The following RARB variants were observed in gnomAD, a reference collection of about 807,000 sequenced individuals.
RARB encodes HBV-activated protein.
A neutral mutation model predicts 51.9 loss-of-function variants in RARB; 17 were observed. That is an observed-to-expected ratio of 0.33 (90% confidence interval 0.22 to 0.49). The LOEUF (loss-of-function observed/expected upper bound fraction) is 0.49, where lower values mean the gene tolerates loss of function less well. Ranked by LOEUF, RARB falls within the 20% of genes least tolerant of loss-of-function variation. The pLI is 0.99. For missense variants in RARB, 369 were observed against 550.8 expected (o/e 0.67, Z 3.30); for synonymous variants, 215 against 195.4 (o/e 1.10, Z -0.84).
intron 2 of RARB, among the ~76,000 whole-genome samples, chr3:25,051,025 C>T (rs924103245): frequency 6.6e-6 from 1 of 152,112 alleles, no homozygotes; most frequent in Non-Finnish European, 1.5e-5. Flanking sequence ...CTCTCTTTAA[C>T]TGTGTGGATT....
chr3:25,356,528 ATTATAC>A (rs1249104027), intron 5 of RARB, among the ~76,000 whole-genome samples: 1 of 148,146 alleles, frequency 6.8e-6, no homozygotes, highest in Non-Finnish European at 1.5e-5. Context: ...CTTTTTTTTT[ATTATAC>A]TTTAAGTTCT....
chr3:25,201,704 G>A (rs146212119), intron 5 of RARB, among the ~76,000 whole-genome samples: 2,243 of 152,118 alleles, frequency 0.015, 26 homozygotes, highest in Non-Finnish European at 0.022. Context: ...GGTTTTTGTC[G>A]TTGGTTCTGT....
chr3:25,053,486 C>T (rs904914695), intron 2 of RARB, among the ~76,000 whole-genome samples: 1 of 152,112 alleles, frequency 6.6e-6, no homozygotes, highest in Admixed American at 6.6e-5. Flanking sequence ...GGCGGCAGTT[C>T]CTAAAACACA....
chr3:25,056,992 G>A (rs1324777826), intron 2 of RARB, among the ~76,000 whole-genome samples: 1 of 152,022 alleles, frequency 6.6e-6, no homozygotes, highest in Non-Finnish European at 1.5e-5. Flanking sequence ...TAGATGTTCA[G>A]AAGTTGTATT....
intron 5 of RARB, among the ~76,000 whole-genome samples, chr3:25,306,963 G>T (rs1048483602): frequency 1.3e-5 from 2 of 152,262 alleles, no homozygotes; most frequent in Middle Eastern, 3.4e-3. Flanking sequence ...GGTGCATTAA[G>T]CTCCCCACGC....
chr3:25,383,121 T>C (rs1049743951), intron 5 of RARB, among the ~76,000 whole-genome samples: 3 of 152,220 alleles, frequency 2.0e-5, no homozygotes, highest in Non-Finnish European at 4.4e-5. Flanking sequence ...CAGGATGTTA[T>C]ACCTTTATAT....
At chr3:24,958,788 A>G (rs1220486090) in intron 2 of RARB, among the ~76,000 whole-genome samples, 1 of 152,258 alleles carries the variant, frequency 6.6e-6, no homozygotes, top group Non-Finnish European at 1.5e-5. Flanking sequence ...ATGACAACAT[A>G]GCCACTGTCT....
intron 5 of RARB, among the ~76,000 whole-genome samples, chr3:25,223,782 T>G (rs2125386134): frequency 6.6e-6 from 1 of 152,352 alleles, no homozygotes; most frequent in Non-Finnish European, 1.5e-5. Context: ...CTCAGTTCTC[T>G]GCACATATTT....
intron 5 of RARB, among the ~76,000 whole-genome samples, chr3:25,190,996 C>G (rs1320807513): frequency 6.6e-6 from 1 of 152,072 alleles, no homozygotes; most frequent in Non-Finnish European, 1.5e-5. Context: ...CATCATCTAA[C>G]TCTTTTCCTC....
chr3:24,995,997 C>G (rs1205542790), intron 2 of RARB, among the ~76,000 whole-genome samples: 2 of 151,998 alleles, frequency 1.3e-5, no homozygotes, highest in East Asian at 3.9e-4. Context: ...AGAATTTCTT[C>G]CTCTCCAATA....
chr3:25,321,719 A>G (rs1469726812), intron 5 of RARB, among the ~76,000 whole-genome samples: 2 of 151,722 alleles, frequency 1.3e-5, no homozygotes, highest in African/African-American at 2.4e-5. Context: ...TCCATCTCAA[A>G]AAATAAATTA....
chr3:25,173,597 G>T lies in RARB; in HGVS notation c.-279-522G>T, dbSNP rs1295645620. On this transcript the variant is annotated intron_variant, in intron 4 of 11. Transcript: ENST00000383772. The stretch of plus-strand genomic sequence containing the variant: ...AAAATCCAAAGTTACTCATATAAAA[G>T]AAGTAAAATTTGGAAGCATATCAGT... 2.0e-5 allele frequency among the ~76,000 whole-genome samples: 3 copies of T among 152,110 alleles called. No individual in the cohort carries two copies. In the East Asian group the frequency reaches 5.8e-4, roughly 29 times the overall value.
intron 3 of RARB, among the ~76,000 whole-genome samples, chr3:25,081,723 TC>T (rs1302465586): frequency 7.4e-6 from 1 of 135,008 alleles, no homozygotes; most frequent in Admixed American, 8.0e-5. Flanking sequence ...ACCTCCACCT[TC>T]CGAGTTCAAG....
At chr3:25,578,536 C>T (rs576011287) in intron 4 of RARB, among the ~76,000 whole-genome samples, 3 of 152,160 alleles carry the variant, frequency 2.0e-5, no homozygotes, top group East Asian at 1.9e-4. Flanking sequence ...CTTGACTCTC[C>T]GTCCCTCTCT....
At chr3:24,938,780 C>G (rs1242819781) in intron 2 of RARB, among the ~76,000 whole-genome samples, 3 of 152,100 alleles carry the variant, frequency 2.0e-5, no homozygotes, top group African/African-American at 7.2e-5. Context: ...TATGAATTTG[C>G]CTATTCTAAG....
At chr3:25,033,640 G>C (rs575483119) in intron 2 of RARB, among the ~76,000 whole-genome samples, 1 of 152,114 alleles carries the variant, frequency 6.6e-6, no homozygotes, top group African/African-American at 2.4e-5. Flanking sequence ...GCAAGGTCAA[G>C]CCAGACCCAC....
chr3:25,469,491 G>T (rs1487120354), intron 2 of RARB, among the ~76,000 whole-genome samples: 1 of 152,120 alleles, frequency 6.6e-6, no homozygotes, highest in Non-Finnish European at 1.5e-5. Flanking sequence ...GACACTCTGT[G>T]TACCACTCTG....
chr3:25,020,728 T>C (rs1697618269), intron 2 of RARB, among the ~76,000 whole-genome samples: 1 of 152,138 alleles, frequency 6.6e-6, no homozygotes, highest in South Asian at 2.1e-4. Flanking sequence ...CATAAACACC[T>C]ATAGAATGAA....
chr3:24,921,706 C>T (rs937666522), intron 2 of RARB, among the ~76,000 whole-genome samples: 1 of 152,186 alleles, frequency 6.6e-6, no homozygotes, highest in Non-Finnish European at 1.5e-5. Context: ...TACACTAGTC[C>T]TCATCTTAAG....
Sources: allele counts gnomAD v4.1 joint callset (sites outside exome capture counted in the v4.1 genomes callset), GRCh38; gene constraint gnomAD v4.1.1; transcripts MANE v1.5; gene names NCBI Gene and HGNC (gene_info 2026-07-23, HGNC 2026-07-21).